The following TXNRD1 variants were observed in gnomAD, a reference collection of about 807,000 sequenced individuals.
TXNRD1 encodes thioredoxin reductase 1.
Under a neutral mutation model 80.3 loss-of-function variants are expected in TXNRD1, and 57 were observed. The ratio of observed to expected loss-of-function variants is 0.71; its 90% CI spans 0.57 to 0.89. The LOEUF (loss-of-function observed/expected upper bound fraction) is 0.89. Ranked by LOEUF, TXNRD1 falls within the 40% of genes least tolerant of loss-of-function variation. The pLI, the probability that TXNRD1 is intolerant of heterozygous loss-of-function variation, is 0.00. For missense variants in TXNRD1, 730 were observed against 803.0 expected, an observed-to-expected ratio of 0.91 and a Z score of 1.10; for synonymous variants, 291 against 285.2, an observed-to-expected ratio of 1.02 and a Z score of -0.20.
intron 4 of TXNRD1, among the ~76,000 whole-genome samples, chr12:104,301,928 G>A (rs1419590711): frequency 4.6e-5 from 7 of 152,128 alleles, no homozygotes; most frequent in South Asian, 4.1e-4. Context: ...TTAATTCCAC[G>A]AATCTGTGAA....
At chr12:104,344,202 G>A (rs960299292) in intron 16 of TXNRD1, among the ~76,000 whole-genome samples, 3 of 152,272 alleles carry the variant, frequency 2.0e-5, no homozygotes, top group South Asian at 2.1e-4. Context: ...AATAGATGCC[G>A]AATAGCTGCA....
At chr12:104,303,264 G>T (rs2034714974) in intron 4 of TXNRD1, among the ~76,000 whole-genome samples, 2 of 152,152 alleles carry the variant, frequency 1.3e-5, no homozygotes, top group African/African-American at 4.8e-5. Flanking sequence ...TAATTAACCC[G>T]ATTTACATTT....
At chr12:104,318,090 A>G (rs982777647) in intron 7 of TXNRD1, among the ~76,000 whole-genome samples, 1 of 152,228 alleles carries the variant, frequency 6.6e-6, no homozygotes, top group Non-Finnish European at 1.5e-5. Context: ...CGGAGGTTGC[A>G]GTGAGCCCAG....
At chr12:104,312,335 C>G (rs1378320576) in intron 5 of TXNRD1, among the ~76,000 whole-genome samples, 2 of 152,250 alleles carry the variant, frequency 1.3e-5, no homozygotes, top group South Asian at 2.1e-4. Context: ...AGATAAATTT[C>G]CCATGTGAGG....
chr12:104,291,986 A>C (rs138712221), intron 4 of TXNRD1, among the ~76,000 whole-genome samples: 1 of 152,364 alleles, frequency 6.6e-6, no homozygotes, highest in African/African-American at 2.4e-5. Context: ...TATAGTCCTA[A>C]AGGCCACACC....
At chr12:104,311,453 G>C (rs1593812635) in intron 5 of TXNRD1, 41 bp downstream of exon 5, 1 of 1,592,236 alleles carries the variant, frequency 6.3e-7, no homozygotes, top group Non-Finnish European at 8.6e-7. Flanking sequence ...TGTCTGGGTG[G>C]TGATTAGAAT....
chr12:104,344,314 TG>T (rs36059717), intron 16 of TXNRD1, among the ~76,000 whole-genome samples: 2 of 151,492 alleles, frequency 1.3e-5, no homozygotes, highest in Admixed American at 1.3e-4. Flanking sequence ...GTATTTTTAA[TG>T]GGGGTTGGAG....
Position 104,256,261 on chromosome 12 carries a change from G to A in TXNRD1, c.244-1758G>A, listed in dbSNP as rs534539351. ...AATTCAAGGTGGGAAGTGCCCATAA[G>A]GAAACTAACGTCTACGTAAAGGTAG... On this transcript the variant is annotated intron_variant, in intron 2 of 16. Coordinates refer to ENST00000525566, the MANE Select transcript of TXNRD1 (RefSeq NM_001093771.3). Among the ~76,000 whole-genome samples, 10 of 152,304 alleles carry A rather than the reference G, an allele frequency of 6.6e-5. No homozygotes were observed. The South Asian group carries it at 2.1e-3, about 32-fold the overall frequency.
chr12:104,319,138 A>C lies in TXNRD1; in HGVS notation c.873+83A>C, dbSNP rs1056694748. The C allele has an allele frequency of 1.1e-5, 16 of 1,464,572 alleles. No homozygotes were observed. In the African/African-American group the frequency reaches 2.3e-4, roughly 21 times the overall value. The allele number at this position is 1,464,572 out of a possible 1,614,324, so 90.7% of individuals were successfully genotyped here. ...TTTGGTTAGAAAATGTTAAAGTATT[A>C]TAATAAAAGTAATAGCCACTGTGAC... On this transcript the variant is annotated intron_variant, in intron 8 of 16. Transcript: ENST00000525566.
intron 1 of TXNRD1, among the ~76,000 whole-genome samples, chr12:104,233,233 C>T (rs1398796661): frequency 2.0e-5 from 3 of 152,136 alleles, no homozygotes; most frequent in Admixed American, 2.0e-4. Flanking sequence ...TAGCAAAAAG[C>T]AAGGAAGCTT....
At chr12:104,241,937 ATTTTTTTTT>A (rs747774973) in intron 1 of TXNRD1, among the ~76,000 whole-genome samples, 9 of 96,080 alleles carry the variant, frequency 9.4e-5, no homozygotes, top group Admixed American at 7.6e-4. Context: ...TATACTAATG[ATTTTTTTTT>A]TTTTTTTTTT....
At chr12:104,288,817 G>C (rs747515653) in intron 3 of TXNRD1, 114 bp from the exon 4 acceptor site, 1 of 1,605,972 alleles carries the variant, frequency 6.2e-7, no homozygotes, top group Non-Finnish European at 8.5e-7. Context: ...GGAGTCAACA[G>C]AGGGCACGCG....
chr12:104,273,158 G>A (rs527401558), intron 3 of TXNRD1, among the ~76,000 whole-genome samples: 1 of 152,320 alleles, frequency 6.6e-6, no homozygotes, highest in Admixed American at 6.5e-5. Context: ...TTGAAGGCCT[G>A]CAACTGCTTC....
intron 6 of TXNRD1, among the ~76,000 whole-genome samples, chr12:104,313,821 T>C (rs2035224326): frequency 6.6e-6 from 1 of 152,220 alleles, no homozygotes; most frequent in Non-Finnish European, 1.5e-5. Context: ...GAAGCTTATA[T>C]TCTAAGTGGG....
At position 104,225,271 on chromosome 12, in the gene TXNRD1, C is replaced by T. The variant is rs116895201; in HGVS notation, c.91+9378C>T. On this transcript the variant is annotated intron_variant, in intron 1 of 16. Coordinates refer to ENST00000525566, the MANE Select transcript of TXNRD1 (RefSeq NM_001093771.3). ...TAACACATTTAATCACTGCAAGAGG[C>T]AAATGAGGAAAGTGAGGCCCAGAGA... Among the ~76,000 whole-genome samples, 1,001 of 152,252 alleles carry T rather than the reference C, an allele frequency of 6.6e-3. 5 individuals are homozygous for T. Among genetic ancestry groups the T allele is most frequent in the Non-Finnish European group, 9.7e-3 (658 of 68,018 alleles).
intron 3 of TXNRD1, among the ~76,000 whole-genome samples, chr12:104,267,243 C>CTTTCTTTCTTTCTTTCTTTCTTT: frequency 8.4e-6 from 1 of 118,574 alleles, no homozygotes; most frequent in Non-Finnish European, 1.7e-5. Flanking sequence ...TTTCTTTTCT[C>CTTTCTTTCTTTCTTTCTTTCTTT]TTTCTTTCTT....
At chr12:104,252,661 T>G (rs376240743) in intron 2 of TXNRD1, among the ~76,000 whole-genome samples, 1 of 58,588 alleles carries the variant, frequency 1.7e-5, no homozygotes, top group African/African-American at 7.8e-5. Flanking sequence ...TTTATTATTT[T>G]TTATATATAT....
chr12:104,253,969 A>G (rs2033185164), intron 2 of TXNRD1, among the ~76,000 whole-genome samples: 1 of 152,186 alleles, frequency 6.6e-6, no homozygotes, highest in South Asian at 2.1e-4. Context: ...CTGGGATTAT[A>G]GGCGTGAGCC....
chr12:104,275,142 G>GT (rs2033730215), intron 3 of TXNRD1, among the ~76,000 whole-genome samples: 1 of 151,814 alleles, frequency 6.6e-6, no homozygotes, highest in East Asian at 2.0e-4. Flanking sequence ...GCCAGGTGTG[G>GT]TGGCGCATGC....
Sources: allele counts gnomAD v4.1 joint callset (sites outside exome capture counted in the v4.1 genomes callset), GRCh38; gene constraint gnomAD v4.1.1; transcripts MANE v1.5; gene names NCBI Gene and HGNC (gene_info 2026-07-23, HGNC 2026-07-21).